The following RAPGEF4 variants were observed in gnomAD, a reference collection of about 807,000 sequenced individuals.
The protein encoded by RAPGEF4 is RAP guanine-nucleotide-exchange factor (GEF) 4.
Under a neutral mutation model 147.9 loss-of-function variants are expected in RAPGEF4, and 66 were observed. The observed-to-expected ratio is 0.45, with a 90% confidence interval of 0.37 to 0.55. The LOEUF (loss-of-function observed/expected upper bound fraction) is 0.55, where lower values mean the gene tolerates loss of function less well. Ranked by LOEUF, RAPGEF4 falls within the 20% of genes least tolerant of loss-of-function variation. The pLI is 0.00. For synonymous variants in RAPGEF4, 419 were observed against 442.7 expected, an observed-to-expected ratio of 0.95 and a Z score of 0.67; for missense variants, 1,071 against 1,257.3, an observed-to-expected ratio of 0.85 and a Z score of 2.24.
chr2:172,916,931 A>G lies in RAPGEF4; in HGVS notation c.445-871A>G, dbSNP rs6712503. On this transcript the variant is annotated intron_variant, in intron 4 of 30. Transcript: ENST00000397081. The stretch of plus-strand genomic sequence containing the variant: ...GTATGTGTCATCGTAATTATAAACC[A>G]TAAATATACATGACACCATGCAATA... Among the ~76,000 whole-genome samples the G allele has an allele frequency of 1.0e-3, 157 of 152,350 alleles. 1 individual carries two copies. The highest frequency in any genetic ancestry group is 3.5e-3 in the African/African-American group (145 of 41,582).
At chr2:172,942,209 T>C (rs550667471) in intron 6 of RAPGEF4, among the ~76,000 whole-genome samples, 3 of 149,714 alleles carry the variant, frequency 2.0e-5, no homozygotes, top group African/African-American at 7.3e-5. Flanking sequence ...GTTTTTGCCT[T>C]TAAAAGTAAT....
intron 4 of RAPGEF4, among the ~76,000 whole-genome samples, chr2:172,883,312 A>G (rs765966217): frequency 1.3e-5 from 2 of 152,148 alleles, no homozygotes; most frequent in African/African-American, 2.4e-5. Context: ...CAGAAGAGCA[A>G]CAGAGCATGC....
intron 3 of RAPGEF4, among the ~76,000 whole-genome samples, chr2:172,812,043 T>A (rs1038158022): frequency 6.6e-6 from 1 of 152,200 alleles, no homozygotes; most frequent in Non-Finnish European, 1.5e-5. Context: ...CATTCAGATT[T>A]CTAAGTATAT....
intron 6 of RAPGEF4, among the ~76,000 whole-genome samples, chr2:172,952,191 A>G (rs1688271383): frequency 6.6e-6 from 1 of 152,080 alleles, no homozygotes; most frequent in South Asian, 2.1e-4. Flanking sequence ...TTTTTAAATT[A>G]GAGATTATAA....
At chr2:172,788,179 T>G (rs900333431) in intron 1 of RAPGEF4, among the ~76,000 whole-genome samples, 1 of 152,212 alleles carries the variant, frequency 6.6e-6, no homozygotes, top group South Asian at 2.1e-4. Flanking sequence ...AGGCTCCACC[T>G]CCTAATACCA....
chr2:172,792,813 T>A (rs1685958721), intron 1 of RAPGEF4, among the ~76,000 whole-genome samples: 1 of 152,210 alleles, frequency 6.6e-6, no homozygotes, highest in Non-Finnish European at 1.5e-5. Context: ...GTCTGGGTAA[T>A]GCTGGGTGAT....
At chr2:172,998,776 T>C (rs555143549) in intron 16 of RAPGEF4, among the ~76,000 whole-genome samples, 1 of 152,354 alleles carries the variant, frequency 6.6e-6, no homozygotes, top group Non-Finnish European at 1.5e-5. Flanking sequence ...CAGCTGATTT[T>C]TTCCCTCTGA....
At chr2:172,986,372 C>T (rs1692249844) in intron 12 of RAPGEF4, among the ~76,000 whole-genome samples, 1 of 152,196 alleles carries the variant, frequency 6.6e-6, no homozygotes, top group African/African-American at 2.4e-5. Context: ...CTTCAGGCTA[C>T]ATTGTATGAG....
chr2:172,914,935 G>T (rs1034185698), intron 4 of RAPGEF4, among the ~76,000 whole-genome samples: 4 of 152,142 alleles, frequency 2.6e-5, no homozygotes, highest in Non-Finnish European at 5.9e-5. Context: ...TTTGTGCTTG[G>T]AAGATGAAAT....
chr2:172,810,472 A>G (rs1170370962), intron 3 of RAPGEF4, among the ~76,000 whole-genome samples: 1 of 152,192 alleles, frequency 6.6e-6, no homozygotes, highest in Admixed American at 6.5e-5. Flanking sequence ...GCACAATGGG[A>G]CTAAGGATGG....
Position 173,021,464 on chromosome 2 carries a change from T to C in RAPGEF4, c.2253+749T>C, listed in dbSNP as rs534078157. Among the ~76,000 whole-genome samples, 4 of 152,212 alleles carry C rather than the reference T, an allele frequency of 2.6e-5. No individual in the cohort carries two copies. The South Asian group carries it at 8.3e-4, about 32-fold the overall frequency. ...AAGACCGAGCGTGGTGGCGGGCGCC[T>C]GTAGTCCCAGCTACTCAGGAGGCTG... On this transcript the variant is annotated intron_variant, in intron 23 of 30. Transcript: ENST00000397081.
intron 9 of RAPGEF4, among the ~76,000 whole-genome samples, chr2:172,966,866 T>C (rs780554772): frequency 2.0e-5 from 3 of 152,228 alleles, no homozygotes; most frequent in Non-Finnish European, 2.9e-5. Flanking sequence ...CAGATTGTTT[T>C]CAAAGCCTGT....
chr2:172,944,611 C>A (rs1687501015), intron 6 of RAPGEF4, among the ~76,000 whole-genome samples: 1 of 152,142 alleles, frequency 6.6e-6, no homozygotes, highest in African/African-American at 2.4e-5. Flanking sequence ...TTGGAGATTT[C>A]TCTCAAAACA....
intron 4 of RAPGEF4, among the ~76,000 whole-genome samples, chr2:172,859,058 A>G (rs966928572): frequency 6.6e-6 from 1 of 152,236 alleles, no homozygotes; most frequent in African/African-American, 2.4e-5. Context: ...TTATGCCTAC[A>G]TGAAAATGGG....
chr2:172,888,224 G>T (rs1451449761), intron 4 of RAPGEF4, among the ~76,000 whole-genome samples: 1 of 152,188 alleles, frequency 6.6e-6, no homozygotes, highest in African/African-American at 2.4e-5. Context: ...TAACTGTAAA[G>T]TATTTAGGAA....
chr2:172,887,736 T>G (rs1024201983), intron 4 of RAPGEF4, among the ~76,000 whole-genome samples: 1 of 152,104 alleles, frequency 6.6e-6, no homozygotes, highest in Non-Finnish European at 1.5e-5. Flanking sequence ...TTCTCACAGT[T>G]CCTCTGCTTG....
chr2:172,903,275 A>G (rs545823683), intron 4 of RAPGEF4, among the ~76,000 whole-genome samples: 4 of 149,634 alleles, frequency 2.7e-5, no homozygotes, highest in African/African-American at 9.8e-5. Flanking sequence ...AGGCTGAGGC[A>G]GGAGAACGGC....
intron 4 of RAPGEF4, among the ~76,000 whole-genome samples, chr2:172,889,517 C>T (rs960598488): frequency 6.6e-6 from 1 of 152,062 alleles, no homozygotes; most frequent in African/African-American, 2.4e-5. Flanking sequence ...ACAAATGCCT[C>T]TTCTCCCACA....
chr2:173,019,380 C>T (rs1695822432), intron 22 of RAPGEF4, among the ~76,000 whole-genome samples: 1 of 152,198 alleles, frequency 6.6e-6, no homozygotes, highest in Non-Finnish European at 1.5e-5. Context: ...CACAGTGTGG[C>T]TACGAAGGAA....
Sources: gnomAD v4.1 joint callset for allele counts (sites outside exome capture counted in the v4.1 genomes callset) on GRCh38, gnomAD v4.1.1 for gene constraint, MANE v1.5 for transcripts, NCBI Gene and HGNC (gene_info 2026-07-23, HGNC 2026-07-21) for gene names.